TLN2: variants seen among roughly 807,000 people sequenced by gnomAD.
TLN2 encodes talin-2.
A neutral mutation model predicts 294.7 loss-of-function variants in TLN2; 118 were observed. That is an observed-to-expected ratio of 0.40 (90% CI 0.34 to 0.47). TLN2 has a LOEUF of 0.47. TLN2 is among the 20% of genes least tolerant of loss of function. The pLI is 0.84. For missense variants in TLN2, 3,083 were observed against 3,282.2 expected (o/e 0.94, Z 1.48); for synonymous variants, 1,431 against 1,304.5 (o/e 1.10, Z -2.09).
intron 12 of TLN2, among the ~76,000 whole-genome samples, chr15:62,687,253 C>T (rs531751248): frequency 7.9e-5 from 12 of 152,314 alleles, no homozygotes; most frequent in South Asian, 4.1e-4. Context: ...GTGGAAATAA[C>T]GTGGACTTTA....
intron 37 of TLN2, among the ~76,000 whole-genome samples, chr15:62,761,044 C>G (rs2062630881): frequency 6.6e-6 from 1 of 152,104 alleles, no homozygotes; most frequent in Non-Finnish European, 1.5e-5. Flanking sequence ...ACAGGAGGCA[C>G]CCATTTGTGG....
At chr15:62,728,813 A>G (rs1421401579) in intron 28 of TLN2, among the ~76,000 whole-genome samples, 1 of 152,028 alleles carries the variant, frequency 6.6e-6, no homozygotes, top group African/African-American at 2.4e-5. Context: ...TTGCATTTTT[A>G]GTCTCTTAAA....
At chr15:62,673,310 C>CTTTTTTTATTTTTTTTTTTTTTTT (rs2055687048) in intron 9 of TLN2, among the ~76,000 whole-genome samples, 1 of 42,856 alleles carries the variant, frequency 2.3e-5, no homozygotes, top group African/African-American at 7.5e-5. Context: ...TTAGATGTTG[C>CTTTTTTTATTTTTTTTTTTTTTTT]TTTTTTTTTT....
intron 4 of TLN2, among the ~76,000 whole-genome samples, chr15:62,649,168 A>G (rs2052290940): frequency 6.6e-6 from 1 of 152,144 alleles, no homozygotes; most frequent in Non-Finnish European, 1.5e-5. Context: ...TTATGCTATT[A>G]GTAGTGTTTC....
At chr15:62,442,463 C>T (rs1314248843) in intron 1 of TLN2, among the ~76,000 whole-genome samples, 2 of 135,256 alleles carry the variant, frequency 1.5e-5, no homozygotes, top group East Asian at 4.2e-4. Flanking sequence ...AGTTGCACTC[C>T]AGCTGGGGCA....
intron 45 of TLN2, among the ~76,000 whole-genome samples, chr15:62,791,122 G>A (rs1330316425): frequency 6.6e-6 from 1 of 152,034 alleles, no homozygotes; most frequent in South Asian, 2.1e-4. Context: ...TGAGGTGGAC[G>A]GATCACCTGA....
intron 11 of TLN2, 115 bp from the exon 12 acceptor site, chr15:62,686,526 C>G: frequency 1.5e-6 from 2 of 1,291,904 alleles, no homozygotes; most frequent in East Asian, 2.5e-5. Context: ...CCCTATAGCC[C>G]TACCTGTTTT....
intron 37 of TLN2, among the ~76,000 whole-genome samples, chr15:62,761,144 G>C (rs531252603): frequency 4.6e-4 from 70 of 152,286 alleles, no homozygotes; most frequent in African/African-American, 1.7e-3. Context: ...AGATTCCATT[G>C]TGTTCATTTC....
At chr15:62,819,706 C>G in intron 53 of TLN2, 85 bp downstream of exon 53, 2 of 1,208,670 alleles carry the variant, frequency 1.7e-6, no homozygotes, top group East Asian at 2.4e-5. Flanking sequence ...AAAGCACAGA[C>G]GGCAATGGCC....
At position 62,840,866 on chromosome 15, in the gene TLN2, T is replaced by C; in HGVS notation, c.*256T>C. The C allele has an allele frequency of 2.3e-6, 1 of 444,168 alleles. No individual in the cohort carries two copies. Among genetic ancestry groups the C allele is most frequent in the Non-Finnish European group, 4.0e-6 (1 of 251,694 alleles). 27.5% of individuals were successfully genotyped at this position (444,168 alleles called of 1,614,324 possible). A position where few individuals can be genotyped will look rare whatever the true frequency, so the allele number is the denominator to read the frequency against. On this transcript the variant is annotated 3_prime_UTR_variant, in exon 59 of 59. Transcript: ENST00000636159. ...CTCACCGTGTCTCAGGAGAGAGGGG[T>C]GCACGTTTCATGGACTGTTACCAAC...
chr15:62,800,837 T>A (rs943685772), intron 50 of TLN2, 68 bp downstream of exon 50: 18 of 1,358,554 alleles, frequency 1.3e-5, no homozygotes, highest in Non-Finnish European at 1.8e-5. Context: ...AGGGCTCATT[T>A]GAGGTTTTTT....
chr15:62,752,469 A>T (rs758507544), intron 35 of TLN2, 42 bp downstream of exon 35: 4 of 1,607,010 alleles, frequency 2.5e-6, no homozygotes, highest in Non-Finnish European at 3.4e-6. Context: ...CCTGTGCCAG[A>T]TCCCTGTGGG....
chr15:62,717,794 C>T, intron 24 of TLN2, 105 bp downstream of exon 24: 5 of 839,344 alleles, frequency 6.0e-6, no homozygotes, highest in Non-Finnish European at 8.6e-6. Context: ...ATCCAAGCTC[C>T]TAATCCAATT....
intron 1 of TLN2, among the ~76,000 whole-genome samples, chr15:62,429,136 G>GT (rs1251918149): frequency 6.6e-6 from 1 of 151,406 alleles, no homozygotes; most frequent in African/African-American, 2.4e-5. Context: ...GGGGTTGGGG[G>GT]GGTAGTGGTG....
intron 1 of TLN2, among the ~76,000 whole-genome samples, chr15:62,588,111 A>G (rs1263518769): frequency 6.6e-6 from 1 of 151,904 alleles, no homozygotes; most frequent in Non-Finnish European, 1.5e-5. Flanking sequence ...CGATATCCTG[A>G]CCTCGTGATC....
rs1403908443 is a variant in TLN2 at position 62,800,652 on chromosome 15, G to C, written c.6361-1G>C. 6.2e-7 allele frequency: 1 copy of C among 1,614,112 alleles called. No individual in the cohort carries two copies. Among genetic ancestry groups the C allele is most frequent in the African/African-American group, 1.3e-5 (1 of 75,050 alleles). On this transcript the variant is annotated splice_acceptor_variant, in intron 49 of 58. Coordinates refer to ENST00000636159, the MANE Select transcript of TLN2 (RefSeq NM_015059.3). LOFTEE classifies it high-confidence loss of function. ...TGTATTCATTCTCCCTTCCTATGCA[G>C]GTGATGGTGACCAATGTCACCTCGC... is the stretch of plus-strand genomic sequence containing the variant.
intron 25 of TLN2, among the ~76,000 whole-genome samples, chr15:62,721,440 TA>T (rs2060142377): frequency 6.6e-6 from 1 of 152,172 alleles, no homozygotes; most frequent in African/African-American, 2.4e-5. Flanking sequence ...AAGTTTCAGT[TA>T]TTTTTTATTA....
Position 62,761,713 on chromosome 15 carries a change from C to T in TLN2, c.4671C>T (p.Arg1557=), listed in dbSNP as rs2062684264. Residue 1557 remains arginine (R), a synonymous_variant, in exon 38 of 59, where the codon CGC becomes CGT. Coordinates refer to ENST00000636159, the MANE Select transcript of TLN2 (RefSeq NM_015059.3). ...ATGGGGATTTCTCTGAAGACAACCG[C>T]AATAAGTGTCGCATCGCCACCGCAC... The part of the protein sequence containing the change: ...ALDGDFSEDN[R]NKCRIATAPL... 6.2e-7 allele frequency: 1 copy of T among 1,614,110 alleles called. No individual in the cohort carries two copies. The highest frequency in any genetic ancestry group is 2.2e-5 in the East Asian group (1 of 44,870).
At chr15:62,645,024 C>G (rs1336388837) in intron 3 of TLN2, 1 of 164,302 alleles carries the variant, frequency 6.1e-6, no homozygotes, top group African/African-American at 2.4e-5. Context: ...TGGCTTTCCT[C>G]ACTGACTCTT....
Sources: gnomAD v4.1 joint callset for allele counts (sites outside exome capture counted in the v4.1 genomes callset) on GRCh38, gnomAD v4.1.1 for gene constraint, MANE v1.5 for transcripts, NCBI Gene and HGNC (gene_info 2026-07-23, HGNC 2026-07-21) for gene names.